EPHX2: variants seen among roughly 807,000 people sequenced by gnomAD.
EPHX2 encodes the protein epoxide hydrolase 2, also known as bifunctional epoxide hydrolase 2.
EPHX2 carries 74 observed loss-of-function variants against 78.7 expected under a neutral mutation model. The ratio of observed to expected loss-of-function variants is 0.94; its 90% CI spans 0.78 to 1.14. EPHX2 has a LOEUF of 1.14. Among genes scored for constraint, EPHX2 ranks in the 50% most tolerant of loss-of-function variants. The probability of loss-of-function intolerance (pLI) is 0.00; values close to 1 mark genes in which losing one functional copy is unlikely to be tolerated. For synonymous variants in EPHX2, 251 were observed against 255.2 expected (o/e 0.98, Z 0.16); for missense variants, 715 against 702.5 (o/e 1.02, Z -0.20).
rs1586426170 is a variant in EPHX2 at position 27,495,402 on chromosome 8, T to C, written c.101+4093T>C. ...CCCATTCTCCACAAATGAACTTCCA[T>C]TGGTATATAGGTTAAGGTCAGGATT... On this transcript the variant is annotated intron_variant, in intron 1 of 18. Transcript: ENST00000521400. Among the ~76,000 whole-genome samples the C allele has an allele frequency of 2.6e-5, 4 of 152,286 alleles. No homozygotes were observed. In the South Asian group the frequency reaches 6.2e-4, roughly 24 times the overall value.
At chr8:27,546,757 T>C (rs1041066347), downstream of EPHX2, among the ~76,000 whole-genome samples, 8 of 152,210 alleles carry the variant, frequency 5.3e-5, no homozygotes, top group African/African-American at 1.9e-4. Context: ...CTCCATTCCA[T>C]AGCATTGCCA....
intron 6 of EPHX2, 194 bp downstream of exon 6, chr8:27,512,104 A>T: frequency 2.1e-6 from 1 of 470,512 alleles, no homozygotes; most frequent in Non-Finnish European, 3.8e-6. Context: ...TCTCAAGAAA[A>T]AAAAAAAAAA....
intron 1 of EPHX2, among the ~76,000 whole-genome samples, chr8:27,500,703 G>T (rs1372768376): frequency 6.6e-6 from 1 of 152,208 alleles, no homozygotes; most frequent in East Asian, 1.9e-4. Flanking sequence ...CCCATGGGCA[G>T]CTTCTCTGTG....
At chr8:27,492,708 C>A in intron 1 of EPHX2, 1 of 168,176 alleles carries the variant, frequency 5.9e-6, no homozygotes, top group Non-Finnish European at 1.2e-5. Flanking sequence ...CATTTCTGTC[C>A]TATCAGAGTG....
rs1168770314 is a variant in EPHX2, at chr8:27,520,887, T to C, written c.950T>C (p.Met317Thr). Residue 317 changes from methionine (M) to threonine (T), a missense_variant, in exon 10 of 19, where the codon ATG becomes ACG. Transcript: ENST00000521400. ...EYCMEVLCKE[M>T]VTFLDKLGLS... Reference sequence around the variant, plus strand: ...TGTGTGTGTCTTCTTCCTTAGGAGATGGTAACCTTCCTGGATAAACTGGTA... The same window carrying C: ...TGTGTGTGTCTTCTTCCTTAGGAGACGGTAACCTTCCTGGATAAACTGGTA... The C allele has an allele frequency of 6.2e-7, 1 of 1,614,082 alleles. No individual in the cohort carries two copies. Among genetic ancestry groups the C allele is most frequent in the Non-Finnish European group, 8.5e-7 (1 of 1,180,036 alleles).
chr8:27,520,252 G>A (rs1417018464), intron 9 of EPHX2, among the ~76,000 whole-genome samples: 4 of 151,470 alleles, frequency 2.6e-5, no homozygotes, highest in Middle Eastern at 3.4e-3. Context: ...TGCAACCTCC[G>A]CCTCCTGAGT....
Position 27,540,572 on chromosome 8 carries a change from G to C in EPHX2, c.1295G>C (p.Ser432Thr), listed in dbSNP as rs1206048942. The C allele has an allele frequency of 6.2e-7, 1 of 1,614,124 alleles. No homozygotes were observed. Among genetic ancestry groups the C allele is most frequent in the Admixed American group, 1.7e-5 (1 of 60,032 alleles). Reference sequence around the variant, plus strand: ...TTTGCAGGAGGACTTTTTGTAAATAGCCCAGAAGAGCCCAGCCTCAGCAGG... The same window carrying C: ...TTTGCAGGAGGACTTTTTGTAAATACCCCAGAAGAGCCCAGCCTCAGCAGG... ...VCEAGGLFVN[S>T]PEEPSLSRMV... The change falls in exon 15 of 19, where the codon AGC (serine) becomes ACC (threonine). Residue 432 changes from serine (S) to threonine (T), a missense_variant. Coordinates refer to ENST00000521400, the MANE Select transcript of EPHX2 (RefSeq NM_001979.6).
intron 7 of EPHX2, 23 bp from the exon 8 acceptor site, chr8:27,516,297 G>A (rs1224180610): frequency 1.2e-6 from 2 of 1,610,462 alleles, no homozygotes; most frequent in Non-Finnish European, 1.7e-6. Flanking sequence ...GACCATGCTG[G>A]AGTGTGCCTG....
At chr8:27,533,767 T>G (rs1178765782) in intron 12 of EPHX2, among the ~76,000 whole-genome samples, 1 of 152,106 alleles carries the variant, frequency 6.6e-6, no homozygotes, top group East Asian at 1.9e-4. Flanking sequence ...TTTAAAATAT[T>G]TTTTGTAGAG....
intron 1 of EPHX2, among the ~76,000 whole-genome samples, chr8:27,500,006 T>C (rs1813706254): frequency 6.6e-6 from 1 of 152,222 alleles, no homozygotes; most frequent in Non-Finnish European, 1.5e-5. Context: ...TCCTGAGGTA[T>C]TGGAAGTTAG....
chr8:27,508,533 T>C (rs1814104566), intron 5 of EPHX2, among the ~76,000 whole-genome samples: 1 of 152,178 alleles, frequency 6.6e-6, no homozygotes, highest in Non-Finnish European at 1.5e-5. Flanking sequence ...AGACTTGGGC[T>C]CAGGGAACCC....
chr8:27,515,618 C>A (rs756720908), intron 6 of EPHX2, 100 bp from the exon 7 acceptor site: 7 of 941,684 alleles, frequency 7.4e-6, no homozygotes, highest in Non-Finnish European at 1.1e-5. Flanking sequence ...CACAATCCAG[C>A]AACGGACTGA....
At chr8:27,532,480 G>A (rs1563359453) in intron 12 of EPHX2, among the ~76,000 whole-genome samples, 1 of 152,120 alleles carries the variant, frequency 6.6e-6, no homozygotes, top group Non-Finnish European at 1.5e-5. Flanking sequence ...CACAAGCTGT[G>A]AGTTAGAACC....
At chr8:27,528,951 A>G (rs1346912891) in intron 12 of EPHX2, among the ~76,000 whole-genome samples, 1 of 152,100 alleles carries the variant, frequency 6.6e-6, no homozygotes, top group Non-Finnish European at 1.5e-5. Flanking sequence ...ACCCACCACC[A>G]TGCCTGGCTA....
chr8:27,542,180 C>T (rs1815423554), intron 16 of EPHX2, among the ~76,000 whole-genome samples: 1 of 152,194 alleles, frequency 6.6e-6, no homozygotes, highest in African/African-American at 2.4e-5. Context: ...AGTGAACACA[C>T]TGCTACATGC....
intron 16 of EPHX2, among the ~76,000 whole-genome samples, chr8:27,542,390 T>C (rs926218778): frequency 1.3e-5 from 2 of 152,200 alleles, no homozygotes; most frequent in African/African-American, 2.4e-5. Context: ...TCTTCTGCAA[T>C]ATGCAAGTGG....
downstream of EPHX2, among the ~76,000 whole-genome samples, chr8:27,546,124 G>A (rs1309012931): frequency 2.2e-5 from 3 of 134,556 alleles, no homozygotes; most frequent in African/African-American, 8.6e-5. Flanking sequence ...TTGAGACTCC[G>A]ACTCAAAAAA....
At chr8:27,543,677 G>C in intron 16 of EPHX2, 72 bp from the exon 17 acceptor site, 1 of 1,497,874 alleles carries the variant, frequency 6.7e-7, no homozygotes, top group African/African-American at 1.4e-5. Flanking sequence ...GGCGAGCAGG[G>C]GTCTTTCAGA....
At chr8:27,494,165 T>C (rs114606403) in intron 1 of EPHX2, among the ~76,000 whole-genome samples, 1 of 152,146 alleles carries the variant, frequency 6.6e-6, no homozygotes, top group Non-Finnish European at 1.5e-5. Context: ...CTATGATCAG[T>C]TGGGGCTTGA....
Sources: allele counts gnomAD v4.1 joint callset (sites outside exome capture counted in the v4.1 genomes callset), GRCh38; gene constraint gnomAD v4.1.1; transcripts MANE v1.5; gene names NCBI Gene and HGNC (gene_info 2026-07-23, HGNC 2026-07-21).